Variants in NALF1 observed in about 807,000 individuals in gnomAD.
NALF1 encodes family with sequence similarity 155 member A.
In NALF1, 3 loss-of-function variants were observed where a neutral mutation model predicts 48.4. That is an observed-to-expected ratio of 0.06 (90% CI 0.03 to 0.16). NALF1 has a LOEUF of 0.16. NALF1 is among the 10% of genes least tolerant of loss of function. The probability of loss-of-function intolerance (pLI) is 1.00; values close to 1 mark genes in which losing one functional copy is unlikely to be tolerated. For synonymous variants in NALF1, 262 were observed against 245.7 expected, an observed-to-expected ratio of 1.07 and a Z score of -0.62; for missense variants, 526 against 571.5, an observed-to-expected ratio of 0.92 and a Z score of 0.81.
intron 1 of NALF1, among the ~76,000 whole-genome samples, chr13:107,250,033 G>A (rs540409492): frequency 6.6e-6 from 1 of 150,922 alleles, no homozygotes; most frequent in African/African-American, 2.4e-5. Flanking sequence ...ATTCTCTAGG[G>A]GTTTTAGAGA....
chr13:107,673,928 G>A (rs1452836161), intron 1 of NALF1, among the ~76,000 whole-genome samples: 1 of 152,108 alleles, frequency 6.6e-6, no homozygotes, highest in African/African-American at 2.4e-5. Flanking sequence ...AGGCACAGAT[G>A]ACTTAAGTGT....
At chr13:107,771,305 T>C (rs912044242) in intron 1 of NALF1, among the ~76,000 whole-genome samples, 3 of 151,906 alleles carry the variant, frequency 2.0e-5, no homozygotes, top group African/African-American at 7.2e-5. Flanking sequence ...CAAAAAATGT[T>C]TTACAATTGA....
intron 1 of NALF1, among the ~76,000 whole-genome samples, chr13:107,375,814 C>A (rs1452292253): frequency 2.6e-5 from 4 of 152,000 alleles, no homozygotes; most frequent in African/African-American, 4.8e-5. Context: ...ATTTACCCAA[C>A]CTGGGTAGGG....
intron 1 of NALF1, among the ~76,000 whole-genome samples, chr13:107,812,754 T>C (rs879658182): frequency 2.6e-5 from 4 of 151,796 alleles, no homozygotes; most frequent in Non-Finnish European, 5.9e-5. Context: ...TCTATCCATG[T>C]TATAATGAGA....
intron 1 of NALF1, among the ~76,000 whole-genome samples, chr13:107,368,038 TA>T (rs1426839865): frequency 6.6e-6 from 1 of 152,212 alleles, no homozygotes; most frequent in East Asian, 1.9e-4. Context: ...CCTATGTATA[TA>T]AAATATGTGG....
intron 1 of NALF1, among the ~76,000 whole-genome samples, chr13:107,709,980 A>G (rs1185848546): frequency 6.6e-6 from 1 of 152,130 alleles, no homozygotes; most frequent in Admixed American, 6.6e-5. Flanking sequence ...AGCCAGGAGT[A>G]GCAGTGTGCA....
intron 1 of NALF1, among the ~76,000 whole-genome samples, chr13:107,310,877 T>C (rs1427349691): frequency 1.3e-5 from 2 of 152,102 alleles, no homozygotes; most frequent in African/African-American, 4.8e-5. Context: ...GTCAGGCTGG[T>C]CTCAAACTCC....
chr13:107,638,829 A>G (rs1383517580), intron 1 of NALF1, among the ~76,000 whole-genome samples: 1 of 152,048 alleles, frequency 6.6e-6, no homozygotes, highest in African/African-American at 2.4e-5. Context: ...CGACTGAAGC[A>G]CTCCAGAAGG....
At chr13:107,380,007 T>C (rs953221790) in intron 1 of NALF1, among the ~76,000 whole-genome samples, 5 of 152,208 alleles carry the variant, frequency 3.3e-5, no homozygotes, top group Non-Finnish European at 5.9e-5. Flanking sequence ...TTAACTGTTA[T>C]TGAGTTCGAA....
chr13:107,325,288 CA>C (rs542063804), intron 1 of NALF1, among the ~76,000 whole-genome samples: 2 of 151,972 alleles, frequency 1.3e-5, no homozygotes, highest in Non-Finnish European at 2.9e-5. Context: ...GGCCTGAAAT[CA>C]GAATGCATGA....
intron 1 of NALF1, among the ~76,000 whole-genome samples, chr13:107,309,151 C>G (rs949365252): frequency 1.9e-5 from 1 of 52,868 alleles, no homozygotes; most frequent in Admixed American, 1.7e-4. Flanking sequence ...ATTTTTCTAA[C>G]TGTTGAAACC....
intron 1 of NALF1, among the ~76,000 whole-genome samples, chr13:107,861,155 A>G (rs1880558195): frequency 6.6e-6 from 1 of 152,222 alleles, no homozygotes; most frequent in Non-Finnish European, 1.5e-5. Flanking sequence ...AAAAACATAA[A>G]CCATAAACTA....
intron 1 of NALF1, among the ~76,000 whole-genome samples, chr13:107,372,585 T>C (rs952408346): frequency 6.6e-5 from 10 of 152,192 alleles, no homozygotes; most frequent in African/African-American, 2.4e-4. Flanking sequence ...AAATAAATAG[T>C]ATAGTATCAT....
intron 1 of NALF1, among the ~76,000 whole-genome samples, chr13:107,789,592 A>G (rs1012395868): frequency 9.9e-5 from 15 of 152,218 alleles, no homozygotes; most frequent in African/African-American, 3.6e-4. Flanking sequence ...GCTACACCCC[A>G]AACACCATCA....
chr13:107,269,616 C>G (rs1183652363), intron 1 of NALF1, among the ~76,000 whole-genome samples: 1 of 151,940 alleles, frequency 6.6e-6, no homozygotes, highest in African/African-American at 2.4e-5. Flanking sequence ...TAAGAGTGTC[C>G]TTTTTTCCCC....
At chr13:107,227,289 G>T (rs1471782853) in intron 1 of NALF1, among the ~76,000 whole-genome samples, 5 of 152,110 alleles carry the variant, frequency 3.3e-5, no homozygotes, top group African/African-American at 1.2e-4. Flanking sequence ...AATAACCCTC[G>T]ATACTTCCAG....
intron 1 of NALF1, among the ~76,000 whole-genome samples, chr13:107,726,912 CTTGTGTGTGTGTGTGT>C (rs1293057532): frequency 1.0e-5 from 1 of 97,352 alleles, no homozygotes; most frequent in East Asian, 2.4e-4. Flanking sequence ...CCGGCAAATT[CTTGTGTGTGTGTGTGT>C]GTGTGTGTGT....
chr13:107,459,586 A>C (rs1417660450), intron 1 of NALF1, among the ~76,000 whole-genome samples: 1 of 152,126 alleles, frequency 6.6e-6, no homozygotes, highest in African/African-American at 2.4e-5. Flanking sequence ...ATTTTCTCTG[A>C]CAGAGTTCAA....
intron 1 of NALF1, among the ~76,000 whole-genome samples, chr13:107,458,785 A>G (rs1884868934): frequency 6.6e-6 from 1 of 152,224 alleles, no homozygotes; most frequent in Non-Finnish European, 1.5e-5. Flanking sequence ...GGCGTATGAC[A>G]AAAGTGGTAT....
Sources: gnomAD v4.1 joint callset for allele counts (sites outside exome capture counted in the v4.1 genomes callset) on GRCh38, gnomAD v4.1.1 for gene constraint, MANE v1.5 for transcripts, NCBI Gene and HGNC (gene_info 2026-07-23, HGNC 2026-07-21) for gene names.